The following SNRK variants were observed in gnomAD, a reference collection of about 807,000 sequenced individuals.
The protein encoded by SNRK is SNF related kinase.
Under a neutral mutation model 48.2 loss-of-function variants are expected in SNRK, and 3 were observed. The ratio of observed to expected loss-of-function variants is 0.06; its 90% CI spans 0.03 to 0.16. The LOEUF is 0.16. Among genes scored for constraint, SNRK ranks in the 10% least tolerant of loss-of-function variants. SNRK has a pLI of 1.00. For synonymous variants in SNRK, 376 were observed against 366.1 expected (o/e 1.03, Z -0.31); for missense variants, 627 against 976.0 (o/e 0.64, Z 4.76).
At chr3:43,311,298 T>G (rs892787303) in intron 3 of SNRK, among the ~76,000 whole-genome samples, 1 of 152,154 alleles carries the variant, frequency 6.6e-6, no homozygotes, top group African/African-American at 2.4e-5. Context: ...TGCAGTTCTT[T>G]CCTGTTTGCA....
chr3:43,332,461 G>A (rs1371482343), intron 4 of SNRK, 151 bp downstream of exon 4: 3 of 161,310 alleles, frequency 1.9e-5, no homozygotes, highest in Non-Finnish European at 3.5e-5. Context: ...TTCTGCTGTT[G>A]TTTCAGAGTG....
chr3:43,287,151 G>A (rs2090772203), intron 1 of SNRK, among the ~76,000 whole-genome samples: 2 of 151,912 alleles, frequency 1.3e-5, no homozygotes, highest in East Asian at 1.9e-4. Context: ...CTCAGCAAAA[G>A]GGTTCCGTGG....
At chr3:43,318,509 T>C (rs756631880) in intron 3 of SNRK, among the ~76,000 whole-genome samples, 1 of 151,380 alleles carries the variant, frequency 6.6e-6, no homozygotes, top group African/African-American at 2.4e-5. Context: ...GGTCATAACA[T>C]GGGAAACCTT....
At chr3:43,343,213 G>T (rs1381497725) in intron 5 of SNRK, 131 bp from the exon 6 acceptor site, 28 of 1,221,868 alleles carry the variant, frequency 2.3e-5, no homozygotes, top group East Asian at 8.5e-5. Flanking sequence ...TTTCTGGTTT[G>T]CATTTTTTGC....
At chr3:43,319,387 A>G (rs17075561) in intron 3 of SNRK, among the ~76,000 whole-genome samples, 3,794 of 152,230 alleles carry the variant, frequency 0.025, 162 homozygotes, top group African/African-American at 0.084. Flanking sequence ...GACCTTTTAG[A>G]GTGAGACGCT....
chr3:43,311,329 A>C (rs1260734011), intron 3 of SNRK, among the ~76,000 whole-genome samples: 2 of 152,136 alleles, frequency 1.3e-5, no homozygotes, highest in Non-Finnish European at 2.9e-5. Context: ...TCTAGAAAAG[A>C]GCACCACAGA....
In SNRK at chr3:43,347,287, A is replaced by G. The variant is rs113449246; in HGVS notation, c.1080-52A>G. The G allele has an allele frequency of 2.5e-5, 37 of 1,500,208 alleles. 3 individuals carry two copies. The African/African-American group carries it at 3.4e-4, about 14-fold the overall frequency. 92.9% of individuals were successfully genotyped at this position (1,500,208 alleles called of 1,614,324 possible). ...GTTCATTGTGATGTACTTTACTATC[A>G]TCTGCATAATGATTATATGGCTTTT... On this transcript the variant is annotated intron_variant, in intron 6 of 6. Transcript: ENST00000296088. This position sits in a 1 kb window ranked among gnomAD's most constrained non-coding sequence, Gnocchi z 5.4.
chr3:43,337,455 C>G (rs2091200310), intron 4 of SNRK, among the ~76,000 whole-genome samples: 1 of 152,050 alleles, frequency 6.6e-6, no homozygotes, highest in South Asian at 2.1e-4. Context: ...TGGTCTCACC[C>G]TGTCACCCAG....
At chr3:43,310,486 T>TA (rs1307412607) in intron 3 of SNRK, among the ~76,000 whole-genome samples, 7 of 152,160 alleles carry the variant, frequency 4.6e-5, no homozygotes, top group Non-Finnish European at 8.8e-5. Flanking sequence ...CTGTAATAAA[T>TA]ACTTACTTTT....
At chr3:43,288,547 TCACTGTGAGTA>T (rs1385107898) in intron 1 of SNRK, among the ~76,000 whole-genome samples, 1 of 152,214 alleles carries the variant, frequency 6.6e-6, no homozygotes, top group Non-Finnish European at 1.5e-5. Flanking sequence ...CATCTGAACT[TCACTGTGAGTA>T]CTTCCCTCAT....
At chr3:43,339,138 C>T (rs1192470171) in intron 4 of SNRK, among the ~76,000 whole-genome samples, 1 of 152,142 alleles carries the variant, frequency 6.6e-6, no homozygotes, top group African/African-American at 2.4e-5. Context: ...CTACTAGTTG[C>T]CTAGGAGTGC....
At chr3:43,346,553 T>C (rs1375287343) in intron 6 of SNRK, among the ~76,000 whole-genome samples, 1 of 152,232 alleles carries the variant, frequency 6.6e-6, no homozygotes, top group Non-Finnish European at 1.5e-5. Context: ...AATTTTGTTA[T>C]TCACTACTCT....
At chr3:43,333,587 C>A (rs1324325514) in intron 4 of SNRK, among the ~76,000 whole-genome samples, 1 of 152,064 alleles carries the variant, frequency 6.6e-6, no homozygotes, top group Non-Finnish European at 1.5e-5. Flanking sequence ...GTTAACTATT[C>A]TCTACCCCAA....
Position 43,348,779 on chromosome 3 carries a change from T to G in SNRK, c.*222T>G. On this transcript the variant is annotated 3_prime_UTR_variant, in exon 7 of 7. Transcript: ENST00000296088. ...AAAAGCCTATTATGTAATTTTTACA[T>G]TCATAATTTTAATGTGGATGATCAG... 2.4e-6 allele frequency: 1 copy of G among 410,996 alleles called. No homozygotes were observed. Among genetic ancestry groups the G allele is most frequent in the Non-Finnish European group, 4.2e-6 (1 of 236,590 alleles). 25.5% of individuals were successfully genotyped at this position (410,996 alleles called of 1,614,324 possible). A position where few individuals can be genotyped will look rare whatever the true frequency, so the allele number is the denominator to read the frequency against.
chr3:43,318,920 C>T (rs2125630773), intron 3 of SNRK, among the ~76,000 whole-genome samples: 1 of 151,502 alleles, frequency 6.6e-6, no homozygotes, highest in East Asian at 2.0e-4. Flanking sequence ...CCCAGCTACT[C>T]AGGAGGCTGA....
At chr3:43,305,449 T>G (rs1403821000) in intron 3 of SNRK, among the ~76,000 whole-genome samples, 1 of 152,056 alleles carries the variant, frequency 6.6e-6, no homozygotes, top group Admixed American at 6.5e-5. Flanking sequence ...CAAAGCAAAT[T>G]GATGAAGAGT....
At chr3:43,313,036 C>T (rs2090990191) in intron 3 of SNRK, among the ~76,000 whole-genome samples, 1 of 152,006 alleles carries the variant, frequency 6.6e-6, no homozygotes, top group African/African-American at 2.4e-5. Context: ...GTTTTATAGA[C>T]ATAGACAACA....
chr3:43,328,120 G>A (rs939982606), intron 3 of SNRK, among the ~76,000 whole-genome samples: 2 of 151,914 alleles, frequency 1.3e-5, no homozygotes, highest in African/African-American at 2.4e-5. Flanking sequence ...TTAACCCGTG[G>A]ATCTTTAATA....
chr3:43,346,603 C>T (rs1263267650), intron 6 of SNRK, among the ~76,000 whole-genome samples: 2 of 152,128 alleles, frequency 1.3e-5, no homozygotes, highest in Non-Finnish European at 2.9e-5. Flanking sequence ...AAGGCTGGCA[C>T]GGTGGTGTGC....
Sources: gnomAD v4.1 joint callset for allele counts (sites outside exome capture counted in the v4.1 genomes callset) on GRCh38, gnomAD v4.1.1 for gene constraint, Gnocchi (gnomAD v3.1) non-coding constraint, MANE v1.5 for transcripts, NCBI Gene and HGNC (gene_info 2026-07-23, HGNC 2026-07-21) for gene names.